FGD4: variants seen among roughly 807,000 people sequenced by gnomAD.
FGD4 encodes FYVE, RhoGEF and PH domain-containing protein 4.
FGD4 carries 42 observed loss-of-function variants against 102.0 expected under a neutral mutation model. The observed-to-expected ratio is 0.41, with a 90% CI of 0.32 to 0.53. The LOEUF is 0.53. Ranked by LOEUF, FGD4 falls within the 20% of genes least tolerant of loss-of-function variation. The pLI, the probability that FGD4 is intolerant of heterozygous loss-of-function variation, is 0.21. For synonymous variants in FGD4, 380 were observed against 375.7 expected, an observed-to-expected ratio of 1.01 and a Z score of -0.13; for missense variants, 902 against 1,078.2, an observed-to-expected ratio of 0.84 and a Z score of 2.29.
intron 1 of FGD4, among the ~76,000 whole-genome samples, chr12:32,475,331 G>A (rs976509014): frequency 2.6e-5 from 4 of 152,128 alleles, no homozygotes; most frequent in African/African-American, 9.7e-5. Context: ...TACCATAGAT[G>A]TCTTAGGGGT....
chr12:32,565,413 G>A (rs1423601011), intron 2 of FGD4, among the ~76,000 whole-genome samples: 2 of 152,130 alleles, frequency 1.3e-5, no homozygotes, highest in Non-Finnish European at 2.9e-5. Context: ...TTATAGCATT[G>A]ACGTGAATAT....
chr12:32,516,699 T>C (rs1039275880), intron 1 of FGD4, among the ~76,000 whole-genome samples: 2 of 152,234 alleles, frequency 1.3e-5, no homozygotes, highest in Non-Finnish European at 2.9e-5. Flanking sequence ...TTTAACAGAA[T>C]AAATATCTCA....
In FGD4 at chr12:32,542,140, G is replaced by A. The variant is rs995497536; in HGVS notation, c.167-21997G>A. Among the ~76,000 whole-genome samples the A allele has an allele frequency of 9.1e-5, 12 of 132,532 alleles. No homozygotes were observed. In the East Asian group the frequency reaches 1.0e-3, roughly 11 times the overall value. 86.9% of individuals were successfully genotyped at this position (132,532 alleles called of 152,430 possible). A position where few individuals can be genotyped will look rare whatever the true frequency, so the allele number is the denominator to read the frequency against. On this transcript the variant is annotated intron_variant, in intron 1 of 16. Transcript: ENST00000534526. ...AGTGTTCATTTTATCTATTAATGCC[G>A]TGAAGCAAAATACAGGTTGAATGAG...
At chr12:32,453,220 AATATAGATATATATATAT>A (rs1435083191) in intron 1 of FGD4, among the ~76,000 whole-genome samples, 15 of 52,780 alleles carry the variant, frequency 2.8e-4, no homozygotes, top group East Asian at 5.1e-4. Flanking sequence ...ATATATATAT[AATATAGATATATATATAT>A]TTTTTTTTTT....
intron 14 of FGD4, among the ~76,000 whole-genome samples, chr12:32,629,555 C>A (rs140855338): frequency 1.6e-3 from 247 of 152,156 alleles, no homozygotes; most frequent in African/African-American, 5.6e-3. Context: ...TTTTTTCTTA[C>A]TGTCTCCCTG....
intron 11 of FGD4, among the ~76,000 whole-genome samples, chr12:32,620,799 G>A (rs1004684665): frequency 2.0e-4 from 29 of 147,594 alleles, no homozygotes; most frequent in African/African-American, 7.3e-4. Flanking sequence ...CCGGGTTCAC[G>A]CCATTCTCCT....
In FGD4 at chr12:32,521,075, G is replaced by T. The variant is rs551840390; in HGVS notation, c.167-43062G>T. Among the ~76,000 whole-genome samples the T allele has an allele frequency of 3.3e-5, 5 of 152,142 alleles. No homozygotes were observed. The South Asian group carries it at 1.0e-3, about 32-fold the overall frequency. Reference sequence around the variant, plus strand: ...CCATAATAATGAACAGGACAGACAGGGTCCCTGTCCTCTAGAAAAAAGGAC... The same window carrying T: ...CCATAATAATGAACAGGACAGACAGTGTCCCTGTCCTCTAGAAAAAAGGAC... On this transcript the variant is annotated intron_variant, in intron 1 of 16. Coordinates refer to ENST00000534526, the MANE Select transcript of FGD4 (RefSeq NM_001370298.3).
At chr12:32,636,727 G>C (rs1056099453) in intron 15 of FGD4, among the ~76,000 whole-genome samples, 2 of 151,942 alleles carry the variant, frequency 1.3e-5, no homozygotes, top group African/African-American at 4.8e-5. Flanking sequence ...TGCAGACCTG[G>C]AGACCAACAT....
intron 1 of FGD4, among the ~76,000 whole-genome samples, chr12:32,402,780 C>T (rs1183092931): frequency 6.7e-6 from 1 of 149,698 alleles, no homozygotes. Context: ...CAGCCATTCC[C>T]CTTACCATGA....
chr12:32,629,088 T>C (rs12299979), intron 14 of FGD4, among the ~76,000 whole-genome samples: 23,078 of 152,164 alleles, frequency 0.15, 2,028 homozygotes, highest in Middle Eastern at 0.26. Context: ...GTAAGCACTG[T>C]AAGACAGGAC....
chr12:32,508,628 T>C (rs1024846835), intron 1 of FGD4, among the ~76,000 whole-genome samples: 1 of 152,266 alleles, frequency 6.6e-6, no homozygotes, highest in African/African-American at 2.4e-5. Flanking sequence ...ACTGCATGTG[T>C]GTTTTTTTAG....
At chr12:32,478,962 A>C (rs1043539291) in intron 1 of FGD4, among the ~76,000 whole-genome samples, 4 of 152,156 alleles carry the variant, frequency 2.6e-5, no homozygotes, top group African/African-American at 4.8e-5. Context: ...CGATGCCCAC[A>C]CTGTTGGTTT....
intron 1 of FGD4, among the ~76,000 whole-genome samples, chr12:32,555,472 C>A (rs1045326699): frequency 6.6e-6 from 1 of 151,112 alleles, no homozygotes; most frequent in Non-Finnish European, 1.5e-5. Context: ...AGGATAATCT[C>A]AACATGTGGA....
chr12:32,632,898 A>G (rs1013998419), intron 14 of FGD4, among the ~76,000 whole-genome samples: 1 of 151,758 alleles, frequency 6.6e-6, no homozygotes, highest in Non-Finnish European at 1.5e-5. Flanking sequence ...GTGTCACTCC[A>G]CTGTTTGGAA....
intron 3 of FGD4, among the ~76,000 whole-genome samples, 192 bp downstream of exon 3, chr12:32,576,641 G>A (rs578120751): frequency 2.0e-5 from 3 of 152,158 alleles, no homozygotes; most frequent in Non-Finnish European, 4.4e-5. Flanking sequence ...CATTTACTAT[G>A]TATTAGCTAG....
intron 4 of FGD4, among the ~76,000 whole-genome samples, chr12:32,593,195 T>C (rs1947619413): frequency 6.6e-6 from 1 of 152,204 alleles, no homozygotes; most frequent in Non-Finnish European, 1.5e-5. Flanking sequence ...TAAGGATTCA[T>C]CAGTTTATGT....
At chr12:32,590,516 T>G (rs1393528670) in intron 4 of FGD4, among the ~76,000 whole-genome samples, 2 of 152,158 alleles carry the variant, frequency 1.3e-5, no homozygotes, top group African/African-American at 2.4e-5. Flanking sequence ...CTCTACCTCC[T>G]GGTTTTCTTG....
intron 1 of FGD4, among the ~76,000 whole-genome samples, chr12:32,406,681 G>A (rs1940946698): frequency 6.6e-6 from 1 of 152,128 alleles, no homozygotes; most frequent in Non-Finnish European, 1.5e-5. Context: ...TGATCTGCTT[G>A]GCTTCCAAAT....
rs528776684 is a variant in FGD4, at chr12:32,644,293, C to A, written c.*3760C>A. ...TACCAATTTTATTAGAATCAAACTT[C>A]TTGTTATTTGCATACTATTATCTAC... is the stretch of plus-strand genomic sequence containing the variant. On this transcript the variant is annotated 3_prime_UTR_variant, in exon 17 of 17. Coordinates refer to ENST00000534526, the MANE Select transcript of FGD4 (RefSeq NM_001370298.3). 1.3e-5 allele frequency: 2 copies of A among 152,170 alleles called. No homozygotes were observed. The highest frequency in any genetic ancestry group is 4.1e-4 in the South Asian group (2 of 4,828). The allele number at this position is 152,170 out of a possible 1,614,324, so 9.4% of individuals were successfully genotyped here. A position where few individuals can be genotyped will look rare whatever the true frequency, so the allele number is the denominator to read the frequency against.
Sources: gnomAD v4.1 joint callset for allele counts (sites outside exome capture counted in the v4.1 genomes callset) on GRCh38, gnomAD v4.1.1 for gene constraint, MANE v1.5 for transcripts, NCBI Gene and HGNC (gene_info 2026-07-23, HGNC 2026-07-21) for gene names.